Variants in ARHGAP26 observed in about 807,000 individuals in gnomAD.
ARHGAP26 encodes Rho GTPase activating protein 26.
ARHGAP26 carries 38 observed loss-of-function variants against 104.8 expected under a neutral mutation model. That is an observed-to-expected ratio of 0.36 (90% CI 0.28 to 0.48). ARHGAP26 has a LOEUF of 0.48. Among genes scored for constraint, ARHGAP26 ranks in the 20% least tolerant of loss-of-function variants. The pLI is 0.99. For synonymous variants in ARHGAP26, 341 were observed against 340.0 expected (o/e 1.00, Z -0.03); for missense variants, 704 against 947.9 (o/e 0.74, Z 3.38).
At chr5:143,221,424 CAAAAAA>C (rs56114785) in intron 22 of ARHGAP26, among the ~76,000 whole-genome samples, 1 of 83,632 alleles carries the variant, frequency 1.2e-5, no homozygotes, top group Non-Finnish European at 2.6e-5. Context: ...TGACAGCAAC[CAAAAAA>C]AAAAAAAAAA....
chr5:142,845,407 G>T (rs1771729726), intron 1 of ARHGAP26, among the ~76,000 whole-genome samples: 1 of 152,154 alleles, frequency 6.6e-6, no homozygotes, highest in Non-Finnish European at 1.5e-5. Context: ...TGGGAGTCAG[G>T]TCAGCTCTCT....
intron 11 of ARHGAP26, among the ~76,000 whole-genome samples, chr5:142,951,930 G>A (rs968481598): frequency 6.6e-6 from 1 of 152,218 alleles, no homozygotes; most frequent in African/African-American, 2.4e-5. Context: ...CCTGAACCAA[G>A]GTGTTGGCAG....
intron 19 of ARHGAP26, among the ~76,000 whole-genome samples, chr5:143,135,550 G>A (rs1002654519): frequency 6.6e-6 from 1 of 152,086 alleles, no homozygotes; most frequent in Non-Finnish European, 1.5e-5. Context: ...TAAAGTAGTG[G>A]CCTTCCTTAC....
intron 17 of ARHGAP26, among the ~76,000 whole-genome samples, chr5:143,082,513 G>T (rs1360451456): frequency 1.3e-5 from 2 of 152,186 alleles, no homozygotes; most frequent in Non-Finnish European, 2.9e-5. Context: ...TACTATCATT[G>T]CAGAAGTCCC....
intron 10 of ARHGAP26, among the ~76,000 whole-genome samples, chr5:142,918,899 C>T (rs1182677142): frequency 6.6e-6 from 1 of 152,104 alleles, no homozygotes; most frequent in Non-Finnish European, 1.5e-5. Flanking sequence ...TTTGAAGGTT[C>T]CTTCTGATTT....
chr5:143,125,783 T>G (rs1401057771), intron 18 of ARHGAP26, among the ~76,000 whole-genome samples: 1 of 152,158 alleles, frequency 6.6e-6, no homozygotes, highest in South Asian at 2.1e-4. Context: ...TTACAAGATA[T>G]TGTGCTAAGC....
At chr5:143,025,202 G>C (rs1780878924) in intron 12 of ARHGAP26, among the ~76,000 whole-genome samples, 1 of 152,104 alleles carries the variant, frequency 6.6e-6, no homozygotes, top group Admixed American at 6.6e-5. Flanking sequence ...CACAACACCT[G>C]CATCTTATAT....
intron 17 of ARHGAP26, among the ~76,000 whole-genome samples, chr5:143,119,662 G>A (rs1795904506): frequency 6.6e-6 from 1 of 152,158 alleles, no homozygotes; most frequent in South Asian, 2.1e-4. Context: ...CCTGCTGCAG[G>A]TGTTGCTTAG....
chr5:143,086,801 A>G (rs189618850), intron 17 of ARHGAP26, among the ~76,000 whole-genome samples: 181 of 152,328 alleles, frequency 1.2e-3, no homozygotes, highest in African/African-American at 3.8e-3. Flanking sequence ...TTATTACTAC[A>G]GAACTAACTT....
intron 17 of ARHGAP26, among the ~76,000 whole-genome samples, chr5:143,094,859 GGGGTGGAGCAGGTAATCGGAATGAGTCA>G (rs1358363537): frequency 9.9e-5 from 15 of 152,116 alleles, no homozygotes; most frequent in African/African-American, 3.4e-4. Flanking sequence ...GGAATGAGTC[GGGGTGGAGCAGGTAATCGGAATGAGTCA>G]GGGTGGAGTA....
At chr5:142,820,708 T>A in intron 1 of ARHGAP26, among the ~76,000 whole-genome samples, 1 of 152,220 alleles carries the variant, frequency 6.6e-6, no homozygotes, top group Non-Finnish European at 1.5e-5. Context: ...CCTTTTCTTT[T>A]GAATGGATCT....
Position 143,225,966 on chromosome 5 carries a change from A to G in ARHGAP26, c.*3520A>G. ...ACTCTCTCCCCTATCCATGCCCCCT[A>G]CCTCTGACTCTCTCTGTGTGAACAG... On this transcript the variant is annotated 3_prime_UTR_variant, in exon 23 of 23. Transcript: ENST00000645722. The G allele has an allele frequency of 4.6e-6, 1 of 217,656 alleles. No individual in the cohort carries two copies. Among genetic ancestry groups the G allele is most frequent in the Non-Finnish European group, 9.3e-6 (1 of 108,030 alleles). The allele number at this position is 217,656 out of a possible 1,614,324, so 13.5% of individuals were successfully genotyped here.
At position 142,794,378 on chromosome 5, in the gene ARHGAP26, G is replaced by C. The variant is rs79495897; in HGVS notation, c.154+23463G>C. Among the ~76,000 whole-genome samples, 124 of 152,268 alleles carry C rather than the reference G, an allele frequency of 8.1e-4. 1 individual carries two copies. In the East Asian group the frequency reaches 0.02, roughly 25 times the overall value. On this transcript the variant is annotated intron_variant, in intron 1 of 22. Coordinates refer to ENST00000645722, the MANE Select transcript of ARHGAP26 (RefSeq NM_001135608.3). Reference sequence around the variant, plus strand: ...CTGGGGTGCTATAAATACAGAAGGAGGGGGGACAGAGGCCAAGGCAACGCA... The same window carrying C: ...CTGGGGTGCTATAAATACAGAAGGACGGGGGACAGAGGCCAAGGCAACGCA...
At chr5:143,032,489 G>GTT (rs1431955069) in intron 12 of ARHGAP26, among the ~76,000 whole-genome samples, 1 of 152,222 alleles carries the variant, frequency 6.6e-6, no homozygotes. Context: ...CCTTGGCTCA[G>GTT]TGAAAGAGCT....
intron 14 of ARHGAP26, among the ~76,000 whole-genome samples, chr5:143,048,051 G>A (rs1196643903): frequency 6.6e-6 from 1 of 152,088 alleles, no homozygotes; most frequent in Non-Finnish European, 1.5e-5. Context: ...GTTTCACCAT[G>A]TTGGCCAGGC....
intron 20 of ARHGAP26, among the ~76,000 whole-genome samples, chr5:143,157,956 C>T (rs937157738): frequency 1.3e-5 from 2 of 152,154 alleles, no homozygotes; most frequent in Non-Finnish European, 2.9e-5. Flanking sequence ...TAAACCTCTT[C>T]AGTGAAATGG....
At chr5:142,782,926 A>G (rs994722390) in intron 1 of ARHGAP26, among the ~76,000 whole-genome samples, 9 of 152,112 alleles carry the variant, frequency 5.9e-5, no homozygotes, top group African/African-American at 2.2e-4. Flanking sequence ...CTAACTGCAG[A>G]TTCTCTGGCT....
chr5:142,817,548 G>A (rs781123107), intron 1 of ARHGAP26, among the ~76,000 whole-genome samples: 1 of 152,152 alleles, frequency 6.6e-6, no homozygotes, highest in African/African-American at 2.4e-5. Context: ...TGGCCTGTGG[G>A]TGGGATTGGG....
chr5:143,155,170 A>G (rs1251312369), intron 20 of ARHGAP26, among the ~76,000 whole-genome samples: 1 of 152,162 alleles, frequency 6.6e-6, no homozygotes, highest in Admixed American at 6.5e-5. Context: ...AAAAGGATTC[A>G]TTTGCCCCTC....
Sources: gnomAD v4.1 joint callset for allele counts (sites outside exome capture counted in the v4.1 genomes callset) on GRCh38, gnomAD v4.1.1 for gene constraint, MANE v1.5 for transcripts, NCBI Gene and HGNC (gene_info 2026-07-23, HGNC 2026-07-21) for gene names.